GPC5: variants seen among roughly 807,000 people sequenced by gnomAD.
GPC5 encodes glypican-5.
A neutral mutation model predicts 53.9 loss-of-function variants in GPC5; 47 were observed. The observed-to-expected ratio is 0.87, with a 90% CI of 0.69 to 1.11. The LOEUF (loss-of-function observed/expected upper bound fraction) is 1.11, where lower values mean the gene tolerates loss of function less well. GPC5 is among the 50% of genes most tolerant of loss of function. The pLI is 0.00. For synonymous variants in GPC5, 286 were observed against 263.3 expected (o/e 1.09, Z -0.84); for missense variants, 748 against 713.1 (o/e 1.05, Z -0.56).
chr13:91,722,378 A>AAGTG (rs1476851602), intron 3 of GPC5, among the ~76,000 whole-genome samples: 1 of 152,194 alleles, frequency 6.6e-6, no homozygotes, highest in Admixed American at 6.5e-5. Context: ...AGCACTTGTC[A>AAGTG]CTTGGGCTTA....
At chr13:92,140,655 GA>G (rs1437649757) in intron 6 of GPC5, among the ~76,000 whole-genome samples, 1 of 152,148 alleles carries the variant, frequency 6.6e-6, no homozygotes, top group African/African-American at 2.4e-5. Flanking sequence ...TGACAGTAAA[GA>G]ATCACAGAGA....
chr13:92,749,069 T>C (rs1249763074), intron 7 of GPC5, among the ~76,000 whole-genome samples: 2 of 152,116 alleles, frequency 1.3e-5, no homozygotes, highest in Non-Finnish European at 2.9e-5. Context: ...TATTTTGGAG[T>C]TCTTGGCCAG....
chr13:91,533,761 A>G (rs774915018), intron 2 of GPC5, among the ~76,000 whole-genome samples: 19 of 152,306 alleles, frequency 1.2e-4, no homozygotes, highest in Middle Eastern at 3.4e-3. Flanking sequence ...TTCTCAGTCT[A>G]CTAGATATTC....
chr13:92,792,207 A>G (rs1046830752), intron 7 of GPC5, among the ~76,000 whole-genome samples: 10 of 152,134 alleles, frequency 6.6e-5, no homozygotes, highest in Non-Finnish European at 1.2e-4. Flanking sequence ...CTAACAGCAG[A>G]TCTCTCGGCA....
intron 7 of GPC5, among the ~76,000 whole-genome samples, chr13:92,473,636 ATATT>A (rs1367857542): frequency 1.3e-5 from 2 of 152,140 alleles, no homozygotes; most frequent in African/African-American, 4.8e-5. Context: ...AATGATGTGA[ATATT>A]TAAGTTTTAT....
At chr13:92,192,444 AT>A (rs1316256712) in intron 7 of GPC5, among the ~76,000 whole-genome samples, 1 of 152,212 alleles carries the variant, frequency 6.6e-6, no homozygotes, top group Non-Finnish European at 1.5e-5. Flanking sequence ...TTTCAAGGAA[AT>A]TATCCAACAT....
At chr13:92,664,411 C>A (rs904562776) in intron 7 of GPC5, among the ~76,000 whole-genome samples, 2 of 149,938 alleles carry the variant, frequency 1.3e-5, no homozygotes, top group African/African-American at 4.9e-5. Context: ...CCTTCTTCAG[C>A]TTCCTGTTGG....
chr13:92,495,769 T>C (rs1359504738), intron 7 of GPC5, among the ~76,000 whole-genome samples: 1 of 151,928 alleles, frequency 6.6e-6, no homozygotes, highest in African/African-American at 2.4e-5. Flanking sequence ...ATTATAACAC[T>C]TAAAAGTGTC....
intron 7 of GPC5, among the ~76,000 whole-genome samples, chr13:92,229,702 T>C (rs1327268400): frequency 6.6e-6 from 1 of 152,104 alleles, no homozygotes; most frequent in Non-Finnish European, 1.5e-5. Flanking sequence ...CACATTTTAT[T>C]ATAATTTGGG....
At chr13:92,290,814 C>T (rs779010980) in intron 7 of GPC5, among the ~76,000 whole-genome samples, 12 of 152,212 alleles carry the variant, frequency 7.9e-5, no homozygotes, top group Non-Finnish European at 1.3e-4. Context: ...CAGCCCGCTG[C>T]TGCACTGTGA....
chr13:91,790,192 A>G (rs983877508), intron 5 of GPC5, among the ~76,000 whole-genome samples: 1 of 152,120 alleles, frequency 6.6e-6, no homozygotes, highest in Non-Finnish European at 1.5e-5. Flanking sequence ...GTGTGAGGTG[A>G]TATTTCATTG....
At chr13:92,044,472 G>C (rs1160508631) in intron 6 of GPC5, among the ~76,000 whole-genome samples, 1 of 152,216 alleles carries the variant, frequency 6.6e-6, no homozygotes, top group East Asian at 1.9e-4. Flanking sequence ...TCAGGATGTT[G>C]TTTAATCTGA....
chr13:92,040,184 C>A (rs186858971), intron 6 of GPC5, among the ~76,000 whole-genome samples: 1 of 152,254 alleles, frequency 6.6e-6, no homozygotes, highest in East Asian at 1.9e-4. Flanking sequence ...GGAAAAAAAT[C>A]AATTCCTAGC....
intron 7 of GPC5, among the ~76,000 whole-genome samples, chr13:92,177,615 T>C (rs2139031035): frequency 6.6e-6 from 1 of 152,324 alleles, no homozygotes; most frequent in East Asian, 1.9e-4. Flanking sequence ...CAGTCTCTGA[T>C]TAAAATGATT....
intron 7 of GPC5, among the ~76,000 whole-genome samples, chr13:92,421,315 T>C (rs755393603): frequency 2.6e-5 from 4 of 152,180 alleles, no homozygotes; most frequent in Admixed American, 1.3e-4. Context: ...TGTGACTCTA[T>C]GTCACAAATC....
At chr13:92,593,635 A>G (rs948799127) in intron 7 of GPC5, among the ~76,000 whole-genome samples, 2 of 151,602 alleles carry the variant, frequency 1.3e-5, no homozygotes, top group African/African-American at 2.4e-5. Context: ...AAGATGTTCT[A>G]GAATAGAGCC....
At chr13:92,087,100 C>A (rs1437858198) in intron 6 of GPC5, among the ~76,000 whole-genome samples, 1 of 152,168 alleles carries the variant, frequency 6.6e-6, no homozygotes, top group African/African-American at 2.4e-5. Flanking sequence ...AAAAACAATT[C>A]TTCCTTAGTG....
intron 7 of GPC5, among the ~76,000 whole-genome samples, chr13:92,781,929 T>A (rs1456220261): frequency 6.6e-6 from 1 of 152,132 alleles, no homozygotes; most frequent in African/African-American, 2.4e-5. Context: ...TAATTATCAA[T>A]AATGTGCACA....
intron 5 of GPC5, among the ~76,000 whole-genome samples, chr13:91,880,163 C>A (rs760717156): frequency 6.6e-6 from 1 of 151,754 alleles, no homozygotes; most frequent in African/African-American, 2.4e-5. Context: ...ATACATGCAA[C>A]CTATTTAACA....
Sources: allele counts gnomAD v4.1 joint callset (sites outside exome capture counted in the v4.1 genomes callset), GRCh38; gene constraint gnomAD v4.1.1; transcripts MANE v1.5; gene names NCBI Gene and HGNC (gene_info 2026-07-23, HGNC 2026-07-21).